The following RAB2A variants were observed in gnomAD, a reference collection of about 807,000 sequenced individuals.
The protein encoded by RAB2A is RAB2A, member RAS oncogene family.
Under a neutral mutation model 32.5 loss-of-function variants are expected in RAB2A, and 7 were observed. That is an observed-to-expected ratio of 0.22 (90% CI 0.12 to 0.40). The LOEUF (loss-of-function observed/expected upper bound fraction) is 0.40, where lower values mean the gene tolerates loss of function less well. RAB2A is among the 10% of genes least tolerant of loss of function. The probability of loss-of-function intolerance (pLI) is 1.00; values close to 1 mark genes in which losing one functional copy is unlikely to be tolerated. For synonymous variants in RAB2A, 79 were observed against 85.2 expected, an observed-to-expected ratio of 0.93 and a Z score of 0.40; for missense variants, 108 against 260.7, an observed-to-expected ratio of 0.41 and a Z score of 4.03.
At chr8:60,602,875 A>C (rs1337073134) in intron 6 of RAB2A, among the ~76,000 whole-genome samples, 1 of 152,204 alleles carries the variant, frequency 6.6e-6, no homozygotes, top group Non-Finnish European at 1.5e-5. Context: ...GTTCCTTAGG[A>C]GAATAAGCAG....
At chr8:60,578,196 G>A (rs972140966) in intron 3 of RAB2A, among the ~76,000 whole-genome samples, 12 of 152,058 alleles carry the variant, frequency 7.9e-5, no homozygotes, top group Admixed American at 7.9e-4. Flanking sequence ...TAACATATTT[G>A]AGTGCCTACT....
chr8:60,601,170 T>C (rs531355694), intron 6 of RAB2A, among the ~76,000 whole-genome samples: 2 of 149,284 alleles, frequency 1.3e-5, no homozygotes, highest in Non-Finnish European at 3.0e-5. Context: ...TTGTTGGTAT[T>C]TTATGAATTC....
intron 2 of RAB2A, among the ~76,000 whole-genome samples, chr8:60,567,339 C>G (rs759217535): frequency 8.5e-5 from 13 of 152,112 alleles, no homozygotes; most frequent in Non-Finnish European, 1.8e-4. Context: ...TGGTCTCGAT[C>G]TCCTGACCTT....
intron 5 of RAB2A, among the ~76,000 whole-genome samples, chr8:60,586,109 G>A (rs1803842089): frequency 6.6e-6 from 1 of 151,960 alleles, no homozygotes. Flanking sequence ...AGATCAGCCC[G>A]GGCAACACAG....
intron 1 of RAB2A, among the ~76,000 whole-genome samples, chr8:60,550,524 A>G (rs1807829760): frequency 6.6e-6 from 1 of 151,966 alleles, no homozygotes; most frequent in Non-Finnish European, 1.5e-5. Context: ...ACTGGGACTA[A>G]GGTGTGCACC....
At chr8:60,577,935 C>G (rs1204956547) in intron 3 of RAB2A, among the ~76,000 whole-genome samples, 1 of 152,016 alleles carries the variant, frequency 6.6e-6, no homozygotes, top group Non-Finnish European at 1.5e-5. Context: ...AGCCACCACA[C>G]CCGGCCAAGG....
At chr8:60,576,108 G>T (rs1357041350) in intron 3 of RAB2A, 2 of 407,500 alleles carry the variant, frequency 4.9e-6, no homozygotes, top group African/African-American at 2.1e-5. Context: ...CAGTTTCACA[G>T]CTGGAAACAG....
chr8:60,526,529 T>C (rs1210950703), intron 1 of RAB2A, among the ~76,000 whole-genome samples: 1 of 152,212 alleles, frequency 6.6e-6, no homozygotes, highest in African/African-American at 2.4e-5. Context: ...TCTCAAGGTC[T>C]AATCTTAATC....
chr8:60,543,888 C>T (rs1346412765), intron 1 of RAB2A, among the ~76,000 whole-genome samples: 1 of 151,740 alleles, frequency 6.6e-6, no homozygotes, highest in African/African-American at 2.4e-5. Context: ...ATGGTGAAAC[C>T]CCGTCTCTAC....
chr8:60,613,669 C>T (rs963210199), intron 6 of RAB2A, among the ~76,000 whole-genome samples: 33 of 152,168 alleles, frequency 2.2e-4, no homozygotes, highest in Admixed American at 1.2e-3. Flanking sequence ...CTTCATCCCA[C>T]AAATACAGAT....
chr8:60,597,053 T>C (rs893290370), intron 6 of RAB2A, among the ~76,000 whole-genome samples: 1 of 152,208 alleles, frequency 6.6e-6, no homozygotes, highest in African/African-American at 2.4e-5. Context: ...CTCAAGGATC[T>C]AGAACCAGAA....
At chr8:60,596,704 C>T (rs1804035280) in intron 6 of RAB2A, among the ~76,000 whole-genome samples, 1 of 152,090 alleles carries the variant, frequency 6.6e-6, no homozygotes, top group African/African-American at 2.4e-5. Flanking sequence ...GGGCGGATCA[C>T]AAGGTCAGGA....
At chr8:60,605,832 C>CATACATATATATATATATATATATATAT (rs1804219984) in intron 6 of RAB2A, among the ~76,000 whole-genome samples, 6 of 120,804 alleles carry the variant, frequency 5.0e-5, no homozygotes, top group African/African-American at 2.3e-4. Flanking sequence ...GGGACTAATA[C>CATACATATATATATATATATATATATAT]ATATATACAT....
chr8:60,599,096 A>G (rs780035956), intron 6 of RAB2A, among the ~76,000 whole-genome samples: 28 of 152,130 alleles, frequency 1.8e-4, no homozygotes, highest in Non-Finnish European at 4.0e-4. Flanking sequence ...GCAGGATACA[A>G]GGTAGACATA....
chr8:60,519,705 G>C (rs1807272083), intron 1 of RAB2A, among the ~76,000 whole-genome samples: 1 of 152,136 alleles, frequency 6.6e-6, no homozygotes, highest in South Asian at 2.1e-4. Context: ...AAGATGTTTT[G>C]TATGGCTCTG....
At chr8:60,560,770 C>T (rs1439496333) in intron 2 of RAB2A, among the ~76,000 whole-genome samples, 2 of 150,020 alleles carry the variant, frequency 1.3e-5, no homozygotes, top group Admixed American at 6.6e-5. Context: ...TAGCTCATCA[C>T]CTGTCAGTGT....
intron 1 of RAB2A, among the ~76,000 whole-genome samples, chr8:60,525,365 A>C (rs1401646758): frequency 1.3e-5 from 2 of 152,150 alleles, no homozygotes; most frequent in Non-Finnish European, 2.9e-5. Flanking sequence ...CATGATTATA[A>C]GTTTTCTGAG....
intron 3 of RAB2A, among the ~76,000 whole-genome samples, chr8:60,573,675 C>A (rs756001254): frequency 1.1e-4 from 17 of 152,150 alleles, no homozygotes; most frequent in Non-Finnish European, 2.4e-4. Flanking sequence ...CTCAAAACTG[C>A]ATGGAAAAGA....
At chr8:60,540,639 C>T (rs1439835750) in intron 1 of RAB2A, among the ~76,000 whole-genome samples, 1 of 152,198 alleles carries the variant, frequency 6.6e-6, no homozygotes, top group African/African-American at 2.4e-5. Flanking sequence ...GCCACCACGC[C>T]TGGCTAATTT....
Sources: gnomAD v4.1 joint callset for allele counts (sites outside exome capture counted in the v4.1 genomes callset) on GRCh38, gnomAD v4.1.1 for gene constraint, MANE v1.5 for transcripts, NCBI Gene and HGNC (gene_info 2026-07-23, HGNC 2026-07-21) for gene names.